Variants in NUBPL observed in about 807,000 individuals in gnomAD.
NUBPL encodes the protein iron-sulfur cluster transfer protein NUBPL.
In NUBPL, 31 loss-of-function variants were observed where a neutral mutation model predicts 45.7. The ratio of observed to expected loss-of-function variants is 0.68; its 90% CI spans 0.51 to 0.92. The LOEUF (loss-of-function observed/expected upper bound fraction) is 0.92, where lower values mean the gene tolerates loss of function less well. Ranked by LOEUF, NUBPL falls within the 40% of genes least tolerant of loss-of-function variation. NUBPL has a pLI of 0.00. For synonymous variants in NUBPL, 144 were observed against 140.9 expected (o/e 1.02, Z -0.15); for missense variants, 401 against 398.7 (o/e 1.01, Z -0.05).
At chr14:31,801,805 G>A (rs897520972) in intron 7 of NUBPL, among the ~76,000 whole-genome samples, 1 of 152,174 alleles carries the variant, frequency 6.6e-6, no homozygotes, top group Admixed American at 6.5e-5. Flanking sequence ...TGTTCCCTCT[G>A]TGTTCTTCCA....
chr14:31,836,432 G>T (rs892934595), intron 8 of NUBPL, among the ~76,000 whole-genome samples: 5 of 152,128 alleles, frequency 3.3e-5, no homozygotes, highest in African/African-American at 1.2e-4. Context: ...TGCTATTAAA[G>T]GATATACACA....
chr14:31,799,997 T>A (rs2039554929), intron 7 of NUBPL, among the ~76,000 whole-genome samples: 1 of 152,236 alleles, frequency 6.6e-6, no homozygotes, highest in Non-Finnish European at 1.5e-5. Flanking sequence ...TTCTAAATCC[T>A]TTGTTGTCAT....
intron 6 of NUBPL, among the ~76,000 whole-genome samples, chr14:31,715,352 G>A (rs552373520): frequency 6.6e-6 from 1 of 152,242 alleles, no homozygotes; most frequent in African/African-American, 2.4e-5. Flanking sequence ...GTCATGTACA[G>A]TCATGTTTTG....
chr14:31,831,843 A>G (rs149900370), intron 8 of NUBPL, among the ~76,000 whole-genome samples: 36 of 152,344 alleles, frequency 2.4e-4, no homozygotes, highest in African/African-American at 7.9e-4. Context: ...TGGGAAGTAA[A>G]CATCATTAGG....
chr14:31,806,451 A>G (rs1185956748), intron 7 of NUBPL, among the ~76,000 whole-genome samples: 1 of 152,208 alleles, frequency 6.6e-6, no homozygotes, highest in East Asian at 1.9e-4. Flanking sequence ...AGAGTTCAAC[A>G]TGAACAAACA....
Position 31,673,483 on chromosome 14 carries a change from G to T in NUBPL, c.423-1G>T, listed in dbSNP as rs863224123. 5.6e-6 allele frequency: 9 copies of T among 1,613,468 alleles called. No individual in the cohort carries two copies. Among genetic ancestry groups the T allele is most frequent in the Non-Finnish European group, 7.6e-6 (9 of 1,179,560 alleles). ...GTTGTATTTTTATGTTACTGTTGCA[G>T]TATGTCTATGGGCTTTCTGGTTGAA... On this transcript the variant is annotated splice_acceptor_variant, in intron 5 of 10. Coordinates refer to ENST00000281081, the MANE Select transcript of NUBPL (RefSeq NM_025152.3). LOFTEE classifies it high-confidence loss of function.
At chr14:31,826,196 C>T (rs1015167800) in intron 7 of NUBPL, among the ~76,000 whole-genome samples, 5 of 152,044 alleles carry the variant, frequency 3.3e-5, no homozygotes, top group African/African-American at 1.2e-4. Flanking sequence ...TCTCCGCTCA[C>T]CGCAACCTCT....
chr14:31,673,442 T>C, intron 5 of NUBPL, 42 bp from the exon 6 acceptor site: 1 of 1,605,416 alleles, frequency 6.2e-7, no homozygotes, highest in East Asian at 2.2e-5. Flanking sequence ...TAATGTTGAT[T>C]AATTTATACA....
intron 6 of NUBPL, among the ~76,000 whole-genome samples, chr14:31,694,304 A>G (rs893355629): frequency 1.3e-5 from 2 of 152,214 alleles, no homozygotes; most frequent in Admixed American, 6.5e-5. Flanking sequence ...GAACAAGGAA[A>G]TAGATACATA....
intron 3 of NUBPL, among the ~76,000 whole-genome samples, chr14:31,575,305 A>T (rs747416829): frequency 2.6e-5 from 4 of 152,176 alleles, no homozygotes; most frequent in South Asian, 2.1e-4. Context: ...CAACACTATG[A>T]TTTTCTTCAT....
chr14:31,826,543 A>C, intron 7 of NUBPL, 86 bp from the exon 8 acceptor site: 1 of 1,115,372 alleles, frequency 9.0e-7, no homozygotes, highest in African/African-American at 1.5e-5. Flanking sequence ...GTAATAGACT[A>C]TTTGCGTATG....
At chr14:31,729,288 C>CCA (rs1566527571) in intron 6 of NUBPL, among the ~76,000 whole-genome samples, 4 of 132,694 alleles carry the variant, frequency 3.0e-5, no homozygotes, top group African/African-American at 9.0e-5. Flanking sequence ...CCCCCCCCCC[C>CCA]AAAAAAAAAG....
intron 4 of NUBPL, among the ~76,000 whole-genome samples, chr14:31,605,340 A>G (rs1595357374): frequency 6.6e-6 from 1 of 152,200 alleles, no homozygotes; most frequent in Non-Finnish European, 1.5e-5. Flanking sequence ...ATACTGGTGA[A>G]TTTATTACTA....
chr14:31,666,126 G>T (rs906399565), intron 4 of NUBPL, among the ~76,000 whole-genome samples: 6 of 148,924 alleles, frequency 4.0e-5, no homozygotes, highest in Non-Finnish European at 8.9e-5. Flanking sequence ...GTCTTTGCAT[G>T]AGATGGGTCT....
At chr14:31,841,612 A>G (rs545189010) in intron 8 of NUBPL, among the ~76,000 whole-genome samples, 6 of 152,126 alleles carry the variant, frequency 3.9e-5, no homozygotes, top group Non-Finnish European at 7.4e-5. Context: ...TCTTTTGATT[A>G]ATTTCTTAAT....
intron 4 of NUBPL, among the ~76,000 whole-genome samples, chr14:31,637,961 T>C (rs543738975): frequency 6.6e-6 from 1 of 152,332 alleles, no homozygotes; most frequent in Admixed American, 6.5e-5. Flanking sequence ...CTCCATCCTT[T>C]TATTTTGAGC....
At chr14:31,671,512 C>G (rs1016570838) in intron 4 of NUBPL, among the ~76,000 whole-genome samples, 2 of 152,056 alleles carry the variant, frequency 1.3e-5, no homozygotes, top group Non-Finnish European at 2.9e-5. Context: ...TTTAGCAGAT[C>G]AAAGGTGAAA....
rs1466695543 is a variant in NUBPL at position 31,562,300 on chromosome 14, T to G, written c.256+85T>G. ...ACTATTGAAATTATAGTTTTGTGTT[T>G]TAAAAATTTATTTGTGAAGTTCCTA... is the stretch of plus-strand genomic sequence containing the variant. On this transcript the variant is annotated intron_variant, in intron 2 of 10. Transcript: ENST00000281081. 5.4e-6 allele frequency: 7 copies of G among 1,306,090 alleles called. No individual in the cohort carries two copies. In the African/African-American group the frequency reaches 7.5e-5, roughly 14 times the overall value. 80.9% of individuals were successfully genotyped at this position (1,306,090 alleles called of 1,614,324 possible).
intron 8 of NUBPL, chr14:31,844,833 G>C (rs1486093426): frequency 6.6e-6 from 1 of 152,164 alleles, no homozygotes; most frequent in Non-Finnish European, 1.5e-5. Context: ...TCTGAAAATA[G>C]TGTTCTGCAT....
Sources: gnomAD v4.1 joint callset for allele counts (sites outside exome capture counted in the v4.1 genomes callset) on GRCh38, gnomAD v4.1.1 for gene constraint, MANE v1.5 for transcripts, NCBI Gene and HGNC (gene_info 2026-07-23, HGNC 2026-07-21) for gene names.